AP3S2: variants seen among roughly 807,000 people sequenced by gnomAD.
AP3S2 encodes adaptor related protein complex 3 subunit sigma 2, also known as AP-3 complex subunit sigma-2.
Under a neutral mutation model 23.4 loss-of-function variants are expected in AP3S2, and 22 were observed. That is an observed-to-expected ratio of 0.94 (90% CI 0.67 to 1.34). The LOEUF (loss-of-function observed/expected upper bound fraction) is 1.34. AP3S2 is among the 40% of genes most tolerant of loss of function. The pLI, the probability that AP3S2 is intolerant of heterozygous loss-of-function variation, is 0.00. For missense variants in AP3S2, 241 were observed against 236.9 expected (o/e 1.02, Z -0.11); for synonymous variants, 86 against 87.1 (o/e 0.99, Z 0.07).
chr15:89,873,101 T>G (rs1051460344), intron 3 of AP3S2, among the ~76,000 whole-genome samples: 1 of 152,196 alleles, frequency 6.6e-6, no homozygotes, highest in African/African-American at 2.4e-5. Context: ...GGACACATAG[T>G]TAAATGGGTC....
chr15:89,893,438 A>C, intron 1 of AP3S2: 1 of 312,490 alleles, frequency 3.2e-6, no homozygotes, highest in Non-Finnish European at 5.8e-6. Context: ...CACTGAAGCA[A>C]AATAATTCCA....
chr15:89,843,235 T>C (rs1408653522), intron 4 of AP3S2, among the ~76,000 whole-genome samples: 1 of 151,944 alleles, frequency 6.6e-6, no homozygotes, highest in Non-Finnish European at 1.5e-5. Flanking sequence ...CCGTCCGCCT[T>C]GGCCTCCCAA....
intron 4 of AP3S2, among the ~76,000 whole-genome samples, chr15:89,848,441 G>C (rs1335082586): frequency 6.6e-6 from 1 of 152,164 alleles, no homozygotes; most frequent in Non-Finnish European, 1.5e-5. Context: ...GCTCACTGCA[G>C]GCTCCGCCTC....
At chr15:89,861,303 C>G (rs1320100318) in intron 4 of AP3S2, among the ~76,000 whole-genome samples, 3 of 152,014 alleles carry the variant, frequency 2.0e-5, no homozygotes, top group Non-Finnish European at 2.9e-5. Context: ...AAATTGAAAT[C>G]TATTTAAAAA....
At chr15:89,862,477 T>C (rs1896028452) in intron 4 of AP3S2, among the ~76,000 whole-genome samples, 1 of 152,170 alleles carries the variant, frequency 6.6e-6, no homozygotes, top group Admixed American at 6.5e-5. Flanking sequence ...CAACTAATTC[T>C]CAAAATCGTT....
chr15:89,872,403 C>T (rs1347713863), intron 3 of AP3S2, among the ~76,000 whole-genome samples: 1 of 152,094 alleles, frequency 6.6e-6, no homozygotes, highest in Non-Finnish European at 1.5e-5. Context: ...GAGCTTACTT[C>T]TCTATAGAAC....
At chr15:89,838,496 A>G (rs1596185214) in intron 4 of AP3S2, among the ~76,000 whole-genome samples, 1 of 152,348 alleles carries the variant, frequency 6.6e-6, no homozygotes, top group South Asian at 2.1e-4. Context: ...AGGTGACTCA[A>G]CTACTGTACC....
At chr15:89,883,962 G>C (rs997353757) in intron 3 of AP3S2, 1 of 152,404 alleles carries the variant, frequency 6.6e-6, no homozygotes, top group Non-Finnish European at 1.5e-5. Context: ...TGGACTTTCA[G>C]ATTTAGGATA....
At chr15:89,868,925 C>T (rs1896240118) in intron 4 of AP3S2, among the ~76,000 whole-genome samples, 1 of 143,380 alleles carries the variant, frequency 7.0e-6, no homozygotes, top group Admixed American at 6.7e-5. Context: ...GCCCGGCCAG[C>T]CGCCCCGTCC....
At position 89,835,618 on chromosome 15, in the gene AP3S2, C is replaced by T. The variant is rs776114232; in HGVS notation, c.479G>A (p.Arg160Gln). ...GATGTTTTTCACAGCAGACACAGCC[C>T]GCGCAGGGGCTGCTGAAAGGCCACC... ...SEGGLSAAPA[R>Q]AVSAVKNINL... The change falls in exon 6 of 6, where the codon CGG (arginine) becomes CAG (glutamine). Residue 160 changes from arginine (R) to glutamine (Q), a missense_variant. Transcript: ENST00000336418. The T allele has an allele frequency of 9.9e-6, 16 of 1,613,030 alleles. No individual in the cohort carries two copies. The highest frequency in any genetic ancestry group is 1.7e-4 in the Middle Eastern group (1 of 6,048).
chr15:89,887,220 T>C (rs537836240), intron 3 of AP3S2, among the ~76,000 whole-genome samples: 12 of 152,346 alleles, frequency 7.9e-5, no homozygotes, highest in African/African-American at 2.9e-4. Context: ...TATTTTTATG[T>C]ATAAGTGAAT....
intron 4 of AP3S2, among the ~76,000 whole-genome samples, chr15:89,849,298 T>C (rs1447362555): frequency 6.6e-6 from 1 of 152,228 alleles, no homozygotes; most frequent in Non-Finnish European, 1.5e-5. Flanking sequence ...AAGAATATTC[T>C]AAATGTAATT....
intron 4 of AP3S2, among the ~76,000 whole-genome samples, chr15:89,862,671 G>A (rs945747674): frequency 6.6e-6 from 1 of 152,162 alleles, no homozygotes; most frequent in Admixed American, 6.5e-5. Flanking sequence ...GACAGAGGAT[G>A]GTAGTAACAC....
chr15:89,867,930 C>G, intron 4 of AP3S2, among the ~76,000 whole-genome samples: 1 of 142,658 alleles, frequency 7.0e-6, no homozygotes, highest in African/African-American at 2.6e-5. Flanking sequence ...TGGGGGGGGT[C>G]AGCCCCCCAC....
rs1436876712 is a variant in AP3S2 at position 89,832,933 on chromosome 15, G to A, written c.*2582C>T. ...GATTGAGTTTTCCAAATAAAAAAGT[G>A]GGCTTCAGTTTTATGTCATTGTAAG... On this transcript the variant is annotated 3_prime_UTR_variant, in exon 6 of 6. Coordinates refer to ENST00000336418, the MANE Select transcript of AP3S2 (RefSeq NM_005829.5). 2.0e-5 allele frequency: 3 copies of A among 152,204 alleles called. No individual in the cohort carries two copies. The highest frequency in any genetic ancestry group is 7.2e-5 in the African/African-American group (3 of 41,450). The allele number at this position is 152,204 out of a possible 1,614,324, so 9.4% of individuals were successfully genotyped here.
intron 4 of AP3S2, chr15:89,845,392 G>C (rs1895461775): frequency 1.3e-5 from 2 of 152,240 alleles, no homozygotes; most frequent in South Asian, 4.1e-4. Flanking sequence ...AGTCCTGCTA[G>C]TCAGTTCAGA....
chr15:89,864,124 A>C (rs1896065659), intron 4 of AP3S2, among the ~76,000 whole-genome samples: 1 of 152,230 alleles, frequency 6.6e-6, no homozygotes, highest in African/African-American at 2.4e-5. Context: ...AAACTGTAAA[A>C]AAAATTTGCA....
intron 5 of AP3S2, among the ~76,000 whole-genome samples, 196 bp from the exon 6 acceptor site, chr15:89,835,839 C>T (rs1247004114): frequency 6.6e-6 from 1 of 151,966 alleles, no homozygotes; most frequent in East Asian, 1.9e-4. Context: ...ATAGGCCTGG[C>T]CAACATGGTG....
intron 1 of AP3S2, among the ~76,000 whole-genome samples, chr15:89,890,822 C>T (rs1015901209): frequency 6.6e-6 from 1 of 152,166 alleles, no homozygotes; most frequent in Non-Finnish European, 1.5e-5. Flanking sequence ...AAAGGGAAAA[C>T]GTAATTGTGG....
Sources: allele counts gnomAD v4.1 joint callset (sites outside exome capture counted in the v4.1 genomes callset), GRCh38; gene constraint gnomAD v4.1.1; transcripts MANE v1.5; gene names NCBI Gene and HGNC (gene_info 2026-07-23, HGNC 2026-07-21).